VKORC1L1: variants seen among roughly 807,000 people sequenced by gnomAD.
The protein encoded by VKORC1L1 is vitamin K epoxide reductase complex subunit 1L1.
In VKORC1L1, 2 loss-of-function variants were observed where a neutral mutation model predicts 18.9. The ratio of observed to expected loss-of-function variants is 0.11; its 90% CI spans 0.04 to 0.33. The LOEUF is 0.33. Among genes scored for constraint, VKORC1L1 ranks in the 10% least tolerant of loss-of-function variants. The pLI, the probability that VKORC1L1 is intolerant of heterozygous loss-of-function variation, is 1.00. For missense variants in VKORC1L1, 123 were observed against 224.1 expected (o/e 0.55, Z 2.88); for synonymous variants, 96 against 100.0 (o/e 0.96, Z 0.24).
Position 65,873,551 on chromosome 7 carries a change from C to A in VKORC1L1, c.180C>A (p.Ala60=). The A allele has an allele frequency of 6.4e-7, 1 of 1,557,114 alleles. No individual in the cohort carries two copies. The highest frequency in any genetic ancestry group is 1.4e-5 in the African/African-American group (1 of 72,280). The part of the protein sequence containing the change: ...CDLGPWVKCS[A]ALASRWGRGF... ...TGGGGCCCTGGGTGAAGTGCTCCGC[C>A]GCCCTTGCCTCCAGGTAGCCGGCTT... The change falls in exon 1 of 3, where the codon GCC becomes GCA. Residue 60 remains alanine, a synonymous_variant. Coordinates refer to ENST00000360768, the MANE Select transcript of VKORC1L1 (RefSeq NM_173517.6).
chr7:65,954,562 A>G lies in VKORC1L1; in HGVS notation c.*262A>G, dbSNP rs1270895630. ...AACTTTACTTTGAAGTGTTTCTGAAATGATAAAATGTAGCCCTAGCCCCCT... is the reference window on the plus strand; with the variant it reads ...AACTTTACTTTGAAGTGTTTCTGAAGTGATAAAATGTAGCCCTAGCCCCCT... On this transcript the variant is annotated 3_prime_UTR_variant, in exon 3 of 3. Transcript: ENST00000360768. The G allele has an allele frequency of 6.9e-6, 4 of 579,574 alleles. No homozygotes were observed. The highest frequency in any genetic ancestry group is 1.1e-5 in the Non-Finnish European group (4 of 363,676). 35.9% of individuals were successfully genotyped at this position (579,574 alleles called of 1,614,324 possible). A position where few individuals can be genotyped will look rare whatever the true frequency, so the allele number is the denominator to read the frequency against.
At chr7:65,942,491 CAAA>C (rs764138467) in intron 1 of VKORC1L1, among the ~76,000 whole-genome samples, 4 of 75,534 alleles carry the variant, frequency 5.3e-5, no homozygotes, top group Admixed American at 1.5e-4. Flanking sequence ...GACTCCATCT[CAAA>C]AAAAAAAAAA....
At chr7:65,895,158 A>G (rs190248315) in intron 1 of VKORC1L1, among the ~76,000 whole-genome samples, 9 of 152,204 alleles carry the variant, frequency 5.9e-5, no homozygotes, top group African/African-American at 2.2e-4. Context: ...TTCTGGCCAT[A>G]TGGTAATTAT....
chr7:65,894,393 G>A (rs554884966), intron 1 of VKORC1L1, among the ~76,000 whole-genome samples: 1 of 151,972 alleles, frequency 6.6e-6, no homozygotes, highest in Admixed American at 6.5e-5. Flanking sequence ...ACACAATTTT[G>A]TGTATAAAGG....
At chr7:65,922,896 G>C (rs1789699487) in intron 1 of VKORC1L1, among the ~76,000 whole-genome samples, 1 of 152,038 alleles carries the variant, frequency 6.6e-6, no homozygotes, top group African/African-American at 2.4e-5. Context: ...TACGTGTCCT[G>C]CTTGGGGTTC....
chr7:65,880,906 G>A (rs1233552927), intron 1 of VKORC1L1, among the ~76,000 whole-genome samples: 1 of 152,128 alleles, frequency 6.6e-6, no homozygotes, highest in Non-Finnish European at 1.5e-5. Flanking sequence ...TAAAGTTATT[G>A]TACAGGTTGA....
At chr7:65,939,219 T>C (rs1402883333) in intron 1 of VKORC1L1, among the ~76,000 whole-genome samples, 1 of 152,222 alleles carries the variant, frequency 6.6e-6, no homozygotes, top group African/African-American at 2.4e-5. Flanking sequence ...AAGATTGTCA[T>C]TCAGAAATAC....
Position 65,873,559 on chromosome 7 carries a change from C to T in VKORC1L1, c.188C>T (p.Ala63Val), listed in dbSNP as rs749315505. The change falls in exon 1 of 3, where the codon GCC becomes GTC. Residue 63 changes from alanine to valine, a missense_variant. This residue lies in a region of VKORC1L1 where 18 missense variants were observed against 66.7 expected (regional missense o/e 0.27). Transcript: ENST00000360768. ...GPWVKCSAALASRWGRGFGLL... is the reference protein window; with the variant it reads ...GPWVKCSAALVSRWGRGFGLL... ...TGGGTGAAGTGCTCCGCCGCCCTTG[C>T]CTCCAGGTAGCCGGCTTGGGGGAGT... 7 of 1,550,152 alleles carry T rather than the reference C, an allele frequency of 4.5e-6. No homozygotes were observed. The highest frequency in any genetic ancestry group is 2.3e-4 in the Middle Eastern group (1 of 4,278).
chr7:65,954,054 C>T lies in VKORC1L1; in HGVS notation c.305-20C>T. ...CTCCAGCACCAAGGCCTGACTGAGC[C>T]TGCGTCTCTTCTCTTACAGGCATGA... is the stretch of plus-strand genomic sequence containing the variant. On this transcript the variant is annotated intron_variant, in intron 2 of 2. Transcript: ENST00000360768. 2 of 1,576,778 alleles carry T rather than the reference C, an allele frequency of 1.3e-6. No homozygotes were observed. The highest frequency in any genetic ancestry group is 2.3e-5 in the South Asian group (2 of 86,508).
intron 1 of VKORC1L1, among the ~76,000 whole-genome samples, chr7:65,881,194 G>C (rs1290631301): frequency 2.0e-5 from 3 of 152,156 alleles, no homozygotes; most frequent in Non-Finnish European, 4.4e-5. Context: ...TTGTATCTCA[G>C]AATCCCTGTT....
intron 1 of VKORC1L1, among the ~76,000 whole-genome samples, chr7:65,929,854 C>T (rs1350764001): frequency 1.3e-5 from 2 of 151,498 alleles, no homozygotes; most frequent in Non-Finnish European, 2.9e-5. Context: ...GGTTAGCTTG[C>T]ATTGAGTGCA....
rs138205004 is a variant in VKORC1L1, at chr7:65,925,640, A to G, written c.195-23031A>G. Among the ~76,000 whole-genome samples the G allele has an allele frequency of 7.0e-4, 107 of 152,292 alleles. 1 individual carries two copies. Among genetic ancestry groups the G allele is most frequent in the African/African-American group, 2.5e-3 (104 of 41,566 alleles). On this transcript the variant is annotated intron_variant, in intron 1 of 2. Transcript: ENST00000360768. Reference sequence around the variant, plus strand: ...AGCAGTAAGGGCTTTGAGGTTCTCTATATGTTAGGTTGGTGCAAAACTTCA... The same window carrying G: ...AGCAGTAAGGGCTTTGAGGTTCTCTGTATGTTAGGTTGGTGCAAAACTTCA...
At chr7:65,916,545 G>T (rs1042430993) in intron 1 of VKORC1L1, among the ~76,000 whole-genome samples, 3 of 151,814 alleles carry the variant, frequency 2.0e-5, no homozygotes, top group Admixed American at 2.0e-4. Context: ...GGAATTAGAA[G>T]ATCACAACCT....
chr7:65,898,077 GTTTTTTTTTTTTTTTT>G (rs71051319), intron 1 of VKORC1L1, among the ~76,000 whole-genome samples: 16,006 of 83,472 alleles, frequency 0.19, 1,258 homozygotes, highest in Middle Eastern at 0.39. Context: ...TTTGTAGCAG[GTTTTTTTTTTTTTTTT>G]TTTTTTTTTT....
chr7:65,898,223 G>T (rs1789250734), intron 1 of VKORC1L1, among the ~76,000 whole-genome samples: 1 of 151,298 alleles, frequency 6.6e-6, no homozygotes, highest in South Asian at 2.1e-4. Context: ...GAGTGTATGG[G>T]TTACAGGCGC....
chr7:65,920,908 A>G (rs1303286091), intron 1 of VKORC1L1, among the ~76,000 whole-genome samples: 1 of 120,420 alleles, frequency 8.3e-6, no homozygotes, highest in Non-Finnish European at 1.8e-5. Flanking sequence ...AAGGAAAGAG[A>G]AAGAGAAAAA....
chr7:65,886,706 T>G (rs1789017823), intron 1 of VKORC1L1, among the ~76,000 whole-genome samples: 1 of 151,444 alleles, frequency 6.6e-6, no homozygotes, highest in African/African-American at 2.4e-5. Context: ...CCCGGCTAAT[T>G]TTTTATATTT....
chr7:65,931,026 G>GATTGGTTTTTAAATGTCAGACC (rs1789848458), intron 1 of VKORC1L1, among the ~76,000 whole-genome samples: 1 of 152,138 alleles, frequency 6.6e-6, no homozygotes, highest in Non-Finnish European at 1.5e-5. Context: ...GAATTACGCT[G>GATTGGTTTTTAAATGTCAGACC]ATTGGTTTTT....
rs555741546 is a variant in VKORC1L1 at position 65,877,181 on chromosome 7, G to C, written c.194+3616G>C. Among the ~76,000 whole-genome samples, 7 of 152,250 alleles carry C rather than the reference G, an allele frequency of 4.6e-5. No homozygotes were observed. In the South Asian group the frequency reaches 1.4e-3, roughly 32 times the overall value. On this transcript the variant is annotated intron_variant, in intron 1 of 2. Coordinates refer to ENST00000360768, the MANE Select transcript of VKORC1L1 (RefSeq NM_173517.6). ...GATTGGAGATGTTCTTTTTTTTCCA[G>C]TGTTTGATAATAAATGCCTTTAAGT...
Sources: gnomAD v4.1 joint callset for allele counts (sites outside exome capture counted in the v4.1 genomes callset) on GRCh38, gnomAD v4.1.1 for gene constraint, gnomAD v4.1.1 regional missense constraint, MANE v1.5 for transcripts, NCBI Gene and HGNC (gene_info 2026-07-23, HGNC 2026-07-21) for gene names.